TSPAN5: variants seen among roughly 807,000 people sequenced by gnomAD.
TSPAN5 encodes tetraspanin-5.
In TSPAN5, 10 loss-of-function variants were observed where a neutral mutation model predicts 37.1. The observed-to-expected ratio is 0.27, with a 90% CI of 0.17 to 0.46. The LOEUF is 0.46. Ranked by LOEUF, TSPAN5 falls within the 20% of genes least tolerant of loss-of-function variation. The pLI is 1.00. For missense variants in TSPAN5, 195 were observed against 326.6 expected, an observed-to-expected ratio of 0.60 and a Z score of 3.11; for synonymous variants, 110 against 118.9, an observed-to-expected ratio of 0.93 and a Z score of 0.48.
At chr4:98,499,868 G>A (rs1324158671) in intron 2 of TSPAN5, among the ~76,000 whole-genome samples, 2 of 151,884 alleles carry the variant, frequency 1.3e-5, no homozygotes, top group Non-Finnish European at 2.9e-5. Context: ...CACCGTGTTA[G>A]CCAGCATGGT....
intron 1 of TSPAN5, among the ~76,000 whole-genome samples, chr4:98,585,159 A>G (rs934900692): frequency 3.3e-5 from 5 of 152,236 alleles, no homozygotes; most frequent in Non-Finnish European, 7.3e-5. Context: ...TAGGGGGTAC[A>G]AGTGCATATT....
intron 1 of TSPAN5, among the ~76,000 whole-genome samples, chr4:98,645,807 G>A (rs184635341): frequency 6.6e-6 from 1 of 152,274 alleles, no homozygotes; most frequent in East Asian, 1.9e-4. Flanking sequence ...TTTTAGGGGT[G>A]TTTCTGGTAA....
intron 1 of TSPAN5, among the ~76,000 whole-genome samples, chr4:98,585,180 C>T (rs1281721258): frequency 6.6e-6 from 1 of 152,184 alleles, no homozygotes; most frequent in Non-Finnish European, 1.5e-5. Context: ...TTCTGGTGTG[C>T]ATATATTGCA....
chr4:98,607,514 GC>G (rs1438735278), intron 1 of TSPAN5, among the ~76,000 whole-genome samples: 1 of 152,090 alleles, frequency 6.6e-6, no homozygotes, highest in Non-Finnish European at 1.5e-5. Context: ...TAAATGTAAT[GC>G]TCAAATAACC....
rs141394320 is a variant in TSPAN5, at chr4:98,601,033, A to G, written c.81+57113T>C. Among the ~76,000 whole-genome samples, 1,028 of 152,336 alleles carry G rather than the reference A, an allele frequency of 6.7e-3. 8 individuals carry two copies. The highest frequency in any genetic ancestry group is 0.014 in the Middle Eastern group (4 of 294). On this transcript the variant is annotated intron_variant, in intron 1 of 7. Transcript: ENST00000305798. Reference sequence around the variant, plus strand: ...CTTGGGTAACCAGGTACATTATCACACTGGAACAGTAATATTTTGGAAAGG... The same window carrying G: ...CTTGGGTAACCAGGTACATTATCACGCTGGAACAGTAATATTTTGGAAAGG...
At chr4:98,485,119 A>C (rs1578937353) in intron 3 of TSPAN5, 1 of 156,964 alleles carries the variant, frequency 6.4e-6, no homozygotes, top group East Asian at 1.9e-4. Flanking sequence ...ATCTAAAAAA[A>C]AAAAAAAAAG....
chr4:98,575,076 C>G (rs957883186), intron 1 of TSPAN5, among the ~76,000 whole-genome samples: 2 of 144,314 alleles, frequency 1.4e-5, no homozygotes, highest in Admixed American at 6.9e-5. Context: ...GAGAAGGAAA[C>G]AGAGTCTTGT....
In TSPAN5 at chr4:98,528,899, C is replaced by G. The variant is rs1482036727; in HGVS notation, c.82-21171G>C. ...CATTTTAGTATGACCATACTGCAAA[C>G]AGCTTTTCATTTATCTCATTCAGTC... On this transcript the variant is annotated intron_variant, in intron 1 of 7. Transcript: ENST00000305798. 2.6e-5 allele frequency among the ~76,000 whole-genome samples: 4 copies of G among 152,152 alleles called. No individual in the cohort carries two copies. The South Asian group carries it at 8.3e-4, about 32-fold the overall frequency.
chr4:98,531,160 T>C (rs1754075889), intron 1 of TSPAN5, among the ~76,000 whole-genome samples: 2 of 152,190 alleles, frequency 1.3e-5, no homozygotes, highest in Admixed American at 1.3e-4. Flanking sequence ...CATGGTGGTT[T>C]GCTGCACCCA....
At chr4:98,491,113 G>A (rs544087224) in intron 2 of TSPAN5, among the ~76,000 whole-genome samples, 1 of 152,228 alleles carries the variant, frequency 6.6e-6, no homozygotes, top group African/African-American at 2.4e-5. Context: ...TGAGGTGCGT[G>A]TATATATAAA....
chr4:98,580,672 A>C (rs1210876049), intron 1 of TSPAN5, among the ~76,000 whole-genome samples: 2 of 152,204 alleles, frequency 1.3e-5, no homozygotes, highest in Non-Finnish European at 2.9e-5. Flanking sequence ...TGCATTCATA[A>C]AGAGAGTTAT....
intron 1 of TSPAN5, among the ~76,000 whole-genome samples, chr4:98,604,377 C>A (rs183714762): frequency 6.6e-6 from 1 of 152,198 alleles, no homozygotes; most frequent in Non-Finnish European, 1.5e-5. Flanking sequence ...CAGATTCTTA[C>A]ACTGAAAACT....
intron 1 of TSPAN5, among the ~76,000 whole-genome samples, chr4:98,618,420 C>T (rs1041978186): frequency 1.3e-5 from 2 of 152,168 alleles, no homozygotes; most frequent in Non-Finnish European, 2.9e-5. Context: ...TCAAGTATTA[C>T]TATATACAAA....
At chr4:98,585,940 G>A (rs1755476073) in intron 1 of TSPAN5, among the ~76,000 whole-genome samples, 1 of 152,284 alleles carries the variant, frequency 6.6e-6, no homozygotes, top group African/African-American at 2.4e-5. Context: ...CTGAAATTTT[G>A]CTCTCTAGCT....
chr4:98,486,544 T>G (rs1185564058), intron 3 of TSPAN5, 194 bp downstream of exon 3: 2 of 552,980 alleles, frequency 3.6e-6, no homozygotes, highest in Non-Finnish European at 6.3e-6. Flanking sequence ...GTGGTGGGGG[T>G]GGTGTTGTAC....
chr4:98,533,866 A>G (rs1754163059), intron 1 of TSPAN5, among the ~76,000 whole-genome samples: 1 of 125,918 alleles, frequency 7.9e-6, no homozygotes, highest in South Asian at 2.6e-4. Flanking sequence ...ATCATTTTTT[A>G]TTGCATCTAT....
intron 3 of TSPAN5, chr4:98,482,481 T>C (rs1022457661): frequency 4.4e-5 from 9 of 206,652 alleles, no homozygotes; most frequent in Non-Finnish European, 8.6e-5. Flanking sequence ...GCCTAATTAA[T>C]TTCTCATGAT....
At chr4:98,555,963 C>G (rs1578989696) in intron 1 of TSPAN5, among the ~76,000 whole-genome samples, 1 of 151,376 alleles carries the variant, frequency 6.6e-6, no homozygotes, top group East Asian at 1.9e-4. Flanking sequence ...AAAAATCACT[C>G]CACACACGCG....
At chr4:98,530,762 A>G (rs990153275) in intron 1 of TSPAN5, among the ~76,000 whole-genome samples, 4 of 147,516 alleles carry the variant, frequency 2.7e-5, no homozygotes, top group Admixed American at 6.8e-5. Flanking sequence ...CATATTTAGA[A>G]ACAGGATCTT....
Sources: allele counts gnomAD v4.1 joint callset (sites outside exome capture counted in the v4.1 genomes callset), GRCh38; gene constraint gnomAD v4.1.1; transcripts MANE v1.5; gene names NCBI Gene and HGNC (gene_info 2026-07-23, HGNC 2026-07-21).